LRRK1: variants seen among roughly 807,000 people sequenced by gnomAD.
LRRK1 encodes the protein leucine rich repeat kinase 1.
Under a neutral mutation model 209.1 loss-of-function variants are expected in LRRK1, and 113 were observed. The ratio of observed to expected loss-of-function variants is 0.54; its 90% CI spans 0.46 to 0.63. The LOEUF (loss-of-function observed/expected upper bound fraction) is 0.63, where lower values mean the gene tolerates loss of function less well. Ranked by LOEUF, LRRK1 falls within the 30% of genes least tolerant of loss-of-function variation. The probability of loss-of-function intolerance (pLI) is 0.00; values close to 1 mark genes in which losing one functional copy is unlikely to be tolerated. For missense variants in LRRK1, 2,284 were observed against 2,632.2 expected, an observed-to-expected ratio of 0.87 and a Z score of 2.89; for synonymous variants, 1,144 against 1,099.7, an observed-to-expected ratio of 1.04 and a Z score of -0.80.
intron 20 of LRRK1, 62 bp downstream of exon 20, chr15:101,029,294 T>C (rs1596297300): frequency 4.7e-6 from 7 of 1,500,494 alleles, no homozygotes; most frequent in Non-Finnish European, 6.3e-6. Context: ...GGAGTTGGGG[T>C]CTGGAGCCAC....
intron 2 of LRRK1, 66 bp downstream of exon 2, chr15:100,924,795 T>A: frequency 8.3e-7 from 1 of 1,211,626 alleles, no homozygotes; most frequent in Non-Finnish European, 1.2e-6. Context: ...GCAGGGTGTC[T>A]AGGCTATGTA....
At position 101,022,511 on chromosome 15, in the gene LRRK1, G is replaced by T. The variant is rs1164323692; in HGVS notation, c.1981G>T (p.Gly661Trp). 3.1e-6 allele frequency: 5 copies of T among 1,614,088 alleles called. No homozygotes were observed. The African/African-American group carries it at 5.3e-5, about 17-fold the overall frequency. Reference protein sequence around the residue: ...KSTLLEILQTGRAPQVVHGEA... With the variant: ...KSTLLEILQTWRAPQVVHGEA... ...CACCCTCCTGGAGATCTTACAGACGGGGAGGGCCCCCCAGGTGGTGCATGG... is the reference window on the plus strand; with the variant it reads ...CACCCTCCTGGAGATCTTACAGACGTGGAGGGCCCCCCAGGTGGTGCATGG... The change falls in exon 15 of 34, where the codon GGG (glycine) becomes TGG (tryptophan). Residue 661 changes from glycine (G) to tryptophan (W), a missense_variant. Around this residue, in one of 6 missense-constraint regions of LRRK1, gnomAD observed 494 missense variants for 522.1 expected, o/e 0.95. Transcript: ENST00000388948. The surrounding 1 kb of genome is among the most constrained non-coding windows in gnomAD (Gnocchi z 4.0).
At position 101,027,960 on chromosome 15, in the gene LRRK1, C is replaced by T. The variant is rs1459706730; in HGVS notation, c.2686+163C>T. Among the ~76,000 whole-genome samples the T allele has an allele frequency of 2.0e-5, 3 of 152,130 alleles. No individual in the cohort carries two copies. Among genetic ancestry groups the T allele is most frequent in the South Asian group, 4.1e-4 (2 of 4,830 alleles). On this transcript the variant is annotated intron_variant, in intron 19 of 33. Transcript: ENST00000388948. This position sits in a 1 kb window ranked among gnomAD's most constrained non-coding sequence, Gnocchi z 5.1. ...CCTTCTTCCCTCTCACCCTTCTTTC[C>T]TTGGAGGGAGAGAACACAAACAGCT...
intron 2 of LRRK1, among the ~76,000 whole-genome samples, chr15:100,926,487 T>C (rs925534406): frequency 6.6e-6 from 1 of 150,780 alleles, no homozygotes; most frequent in Non-Finnish European, 1.5e-5. Flanking sequence ...TGGTCAACAG[T>C]TGGTGATCTA....
intron 31 of LRRK1, among the ~76,000 whole-genome samples, chr15:101,063,471 C>T (rs1365086544): frequency 6.6e-6 from 1 of 152,216 alleles, no homozygotes. Flanking sequence ...AGAAGCTGCC[C>T]CTCAGTGGGG....
intron 3 of LRRK1, 55 bp downstream of exon 3, chr15:100,974,022 G>A: frequency 8.2e-7 from 1 of 1,218,590 alleles, no homozygotes; most frequent in Non-Finnish European, 1.0e-6. Flanking sequence ...TGGACGAAGG[G>A]GACCGCTCAG....
intron 1 of LRRK1, among the ~76,000 whole-genome samples, chr15:100,922,012 C>G (rs948496058): frequency 2.0e-5 from 3 of 152,190 alleles, no homozygotes; most frequent in Non-Finnish European, 4.4e-5. Flanking sequence ...ACCACCGCAC[C>G]CATCTATTTT....
chr15:100,938,640 C>G (rs911599468), intron 2 of LRRK1, among the ~76,000 whole-genome samples: 8 of 151,750 alleles, frequency 5.3e-5, no homozygotes, highest in African/African-American at 1.2e-4. Context: ...ATTTAGAACC[C>G]AATTCCATAC....
chr15:101,034,148 G>A (rs920446290), intron 20 of LRRK1, among the ~76,000 whole-genome samples: 10 of 152,070 alleles, frequency 6.6e-5, no homozygotes, highest in Non-Finnish European at 1.5e-4. Flanking sequence ...CTTGTAAATT[G>A]TGGATATTAG....
intron 3 of LRRK1, among the ~76,000 whole-genome samples, chr15:100,977,462 A>G (rs1336490937): frequency 2.6e-5 from 4 of 152,176 alleles, no homozygotes; most frequent in African/African-American, 9.7e-5. Flanking sequence ...AATCCCCACC[A>G]GGTGGTGACA....
chr15:101,029,500 A>C (rs1423849850), intron 20 of LRRK1, among the ~76,000 whole-genome samples: 1 of 144,152 alleles, frequency 6.9e-6, no homozygotes, highest in Non-Finnish European at 1.5e-5. Context: ...GTAGGAAAAC[A>C]TGGAAGGATG....
At chr15:100,947,788 G>C (rs1450119960) in intron 2 of LRRK1, among the ~76,000 whole-genome samples, 1 of 152,058 alleles carries the variant, frequency 6.6e-6, no homozygotes, top group African/African-American at 2.4e-5. Flanking sequence ...TGCCTATGCA[G>C]AAGAACTTTC....
chr15:101,027,301 C>G lies in LRRK1; in HGVS notation c.2446C>G (p.Arg816Gly). Reference protein sequence around the residue: ...CKSLEGQEGLRQLIFHVTCSM... With the variant: ...CKSLEGQEGLGQLIFHVTCSM... ...GAGCCTGGAAGGTCAGGAAGGGCTG[C>G]GACAGCTGATTTTCCACGTCACGTG... The change falls in exon 18 of 34, where the codon CGA (arginine) becomes GGA (glycine). Residue 816 changes from arginine to glycine, a missense_variant. This residue lies in a region of LRRK1 where 780 missense variants were observed against 985.2 expected (regional missense o/e 0.79). Coordinates refer to ENST00000388948, the MANE Select transcript of LRRK1 (RefSeq NM_024652.6). The surrounding 1 kb of genome is among the most constrained non-coding windows in gnomAD (Gnocchi z 5.1). The G allele has an allele frequency of 6.2e-7, 1 of 1,614,076 alleles. No homozygotes were observed. The highest frequency in any genetic ancestry group is 8.5e-7 in the Non-Finnish European group (1 of 1,180,008).
chr15:101,054,961 C>T lies in LRRK1; in HGVS notation c.4070C>T (p.Pro1357Leu). The T allele has an allele frequency of 6.2e-7, 1 of 1,610,728 alleles. No homozygotes were observed. The highest frequency in any genetic ancestry group is 8.5e-7 in the Non-Finnish European group (1 of 1,178,572). The change falls in exon 27 of 34, where the codon CCC (proline) becomes CTC (leucine). Residue 1357 changes from proline to leucine, a missense_variant. Pro to Leu is a moderately conservative substitution (Grantham distance 98, BLOSUM62 -3). Transcript: ENST00000388948. Reference protein sequence around the residue: ...SENARDSSFIPLGHMLTQKIA... With the variant: ...SENARDSSFILLGHMLTQKIA... The stretch of plus-strand genomic sequence containing the variant: ...TCTTTGCAAGATTCTTCCTTTATAC[C>T]CCTGGGACACATGCTCACCCAAAAA...
Position 101,056,847 on chromosome 15 carries a change from T to C in LRRK1, c.4333-9T>C. On this transcript the variant is annotated splice_polypyrimidine_tract_variant and intron_variant, in intron 27 of 33. Coordinates refer to ENST00000388948, the MANE Select transcript of LRRK1 (RefSeq NM_024652.6). Reference sequence around the variant, plus strand: ...GGCAGCGACCTGACTTGGCTTGTTCTGTGCCCAGGTAGATATGTTCTCCTA... The same window carrying C: ...GGCAGCGACCTGACTTGGCTTGTTCCGTGCCCAGGTAGATATGTTCTCCTA... The C allele has an allele frequency of 1.3e-6, 2 of 1,584,670 alleles. No homozygotes were observed. The highest frequency in any genetic ancestry group is 8.6e-7 in the Non-Finnish European group (1 of 1,163,562).
intron 3 of LRRK1, among the ~76,000 whole-genome samples, chr15:100,982,348 TAGCAGCTATCTG>T (rs2031649064): frequency 6.6e-6 from 1 of 152,212 alleles, no homozygotes; most frequent in African/African-American, 2.4e-5. Context: ...CATGCCAATC[TAGCAGCTATCTG>T]AGCATCCTTT....
At chr15:101,038,990 G>T (rs1341146744) in intron 20 of LRRK1, among the ~76,000 whole-genome samples, 1 of 152,142 alleles carries the variant, frequency 6.6e-6, no homozygotes, top group Non-Finnish European at 1.5e-5. Flanking sequence ...TCCATGTAAG[G>T]TAACAATCAC....
At chr15:100,956,272 T>C (rs755902787) in intron 2 of LRRK1, among the ~76,000 whole-genome samples, 94 of 152,046 alleles carry the variant, frequency 6.2e-4, no homozygotes, top group Middle Eastern at 3.2e-3. Context: ...CTAATTTGTT[T>C]GTGTATAATT....
chr15:100,949,716 C>T (rs754672158), intron 2 of LRRK1, among the ~76,000 whole-genome samples: 15 of 152,196 alleles, frequency 9.9e-5, no homozygotes, highest in Admixed American at 2.0e-4. Context: ...CTTGGTTTAA[C>T]ATCAATCAAT....
Sources: allele counts gnomAD v4.1 joint callset (sites outside exome capture counted in the v4.1 genomes callset), GRCh38; gene constraint gnomAD v4.1.1; regional missense constraint gnomAD v4.1.1; non-coding constraint Gnocchi (gnomAD v3.1); transcripts MANE v1.5; gene names NCBI Gene and HGNC (gene_info 2026-07-23, HGNC 2026-07-21).